The following DGKB variants were observed in gnomAD, a reference collection of about 807,000 sequenced individuals.
DGKB encodes 90 kDa diacylglycerol kinase.
DGKB carries 67 observed loss-of-function variants against 114.3 expected under a neutral mutation model. The ratio of observed to expected loss-of-function variants is 0.59; its 90% confidence interval spans 0.48 to 0.72. The LOEUF is 0.72. DGKB is among the 30% of genes least tolerant of loss of function. The pLI, the probability that DGKB is intolerant of heterozygous loss-of-function variation, is 0.00. For missense variants in DGKB, 907 were observed against 975.2 expected, an observed-to-expected ratio of 0.93 and a Z score of 0.93; for synonymous variants, 398 against 323.1, an observed-to-expected ratio of 1.23 and a Z score of -2.49.
chr7:14,466,824 T>G (rs1440941786), intron 21 of DGKB, among the ~76,000 whole-genome samples: 1 of 151,974 alleles, frequency 6.6e-6, no homozygotes, highest in Non-Finnish European at 1.5e-5. Flanking sequence ...TCAAAATAAA[T>G]AAATAGCAAC....
chr7:14,451,257 A>G (rs1212047325), intron 21 of DGKB, among the ~76,000 whole-genome samples: 1 of 152,054 alleles, frequency 6.6e-6, no homozygotes, highest in Non-Finnish European at 1.5e-5. Context: ...CCTTCACAAT[A>G]TGGGTAGGAC....
At chr7:14,958,426 AACACACACACACAC>A (rs754087921) in intron 1 of DGKB, among the ~76,000 whole-genome samples, 7,040 of 122,838 alleles carry the variant, frequency 0.057, 246 homozygotes, top group Non-Finnish European at 0.08. Context: ...TACCTCTCCC[AACACACACACACAC>A]ACACACACAC....
chr7:14,730,970 G>T (rs936202671), intron 5 of DGKB, among the ~76,000 whole-genome samples: 5 of 152,206 alleles, frequency 3.3e-5, no homozygotes, highest in African/African-American at 1.2e-4. Flanking sequence ...GAGATGGGAA[G>T]TCAGGGCCTG....
At position 14,579,349 on chromosome 7, in the gene DGKB, T is replaced by C. The variant is rs994955370; in HGVS notation, c.1609+1513A>G. On this transcript the variant is annotated intron_variant, in intron 19 of 25. Transcript: ENST00000402815. The stretch of plus-strand genomic sequence containing the variant: ...GCCTTTGTCCATTGTTAGTGCTTTG[T>C]ATGTGGTTTCACAAGAATTATTAGA... 4.6e-5 allele frequency among the ~76,000 whole-genome samples: 7 copies of C among 152,200 alleles called. No homozygotes were observed. In the South Asian group the frequency reaches 8.3e-4, roughly 18 times the overall value.
At chr7:14,824,773 A>G (rs1845429877) in intron 2 of DGKB, among the ~76,000 whole-genome samples, 1 of 151,760 alleles carries the variant, frequency 6.6e-6, no homozygotes, top group South Asian at 2.1e-4. Flanking sequence ...TTTCAAGATC[A>G]TAGTATATGA....
rs1341664325 is a variant in DGKB, at chr7:14,805,706, T to C, written c.70+35488A>G. ...TTTTAAAATATCTAGTTTATCAACA[T>C]AGTAAATGTTTATAATAAAATGATA... On this transcript the variant is annotated intron_variant, in intron 2 of 25. Coordinates refer to ENST00000402815, the MANE Select transcript of DGKB (RefSeq NM_001350709.2). Among the ~76,000 whole-genome samples, 8 of 151,882 alleles carry C rather than the reference T, an allele frequency of 5.3e-5. No homozygotes were observed. The East Asian group carries it at 1.2e-3, about 22-fold the overall frequency.
At chr7:14,150,451 G>A (rs1421458091) in intron 25 of DGKB, among the ~76,000 whole-genome samples, 2 of 152,080 alleles carry the variant, frequency 1.3e-5, no homozygotes, top group African/African-American at 2.4e-5. Flanking sequence ...GGGCTTTTGG[G>A]AAATGGAAAT....
intron 23 of DGKB, among the ~76,000 whole-genome samples, chr7:14,246,799 C>A (rs1794545259): frequency 6.6e-6 from 1 of 151,678 alleles, no homozygotes; most frequent in African/African-American, 2.4e-5. Flanking sequence ...ACATTGTTAC[C>A]TTTTGTGTGT....
chr7:14,596,547 C>CA (rs1179188874), intron 17 of DGKB, among the ~76,000 whole-genome samples: 1 of 152,056 alleles, frequency 6.6e-6, no homozygotes, highest in African/African-American at 2.4e-5. Flanking sequence ...CAACCATACA[C>CA]AAAAATATCC....
At chr7:14,763,311 C>G (rs148151559) in intron 2 of DGKB, among the ~76,000 whole-genome samples, 35 of 152,090 alleles carry the variant, frequency 2.3e-4, no homozygotes, top group Non-Finnish European at 4.6e-4. Context: ...CATAATAACT[C>G]TCTCAGAATC....
intron 23 of DGKB, among the ~76,000 whole-genome samples, chr7:14,260,210 T>C (rs1796568462): frequency 6.6e-6 from 1 of 152,096 alleles, no homozygotes; most frequent in Non-Finnish European, 1.5e-5. Flanking sequence ...ATCTAGTCTT[T>C]TAGGAGGTGC....
At chr7:14,284,980 G>A (rs1800630456) in intron 23 of DGKB, among the ~76,000 whole-genome samples, 1 of 151,230 alleles carries the variant, frequency 6.6e-6, no homozygotes, top group Admixed American at 6.6e-5. Flanking sequence ...CCTGCACAAT[G>A]TGCACATGTA....
intron 2 of DGKB, among the ~76,000 whole-genome samples, chr7:14,761,294 T>C (rs533484211): frequency 5.9e-5 from 9 of 152,278 alleles, no homozygotes; most frequent in Non-Finnish European, 1.2e-4. Context: ...GAGTTCAGGA[T>C]ATCCATAACC....
chr7:14,579,698 G>A (rs893079607), intron 19 of DGKB, among the ~76,000 whole-genome samples: 4 of 151,978 alleles, frequency 2.6e-5, no homozygotes, highest in Non-Finnish European at 5.9e-5. Flanking sequence ...ACTTAGTCAA[G>A]CACGTATACA....
intron 13 of DGKB, among the ~76,000 whole-genome samples, chr7:14,666,017 G>A (rs768935100): frequency 6.6e-6 from 1 of 151,944 alleles, no homozygotes; most frequent in South Asian, 2.1e-4. Flanking sequence ...TTTATGAATA[G>A]AATAGTGATA....
intron 18 of DGKB, among the ~76,000 whole-genome samples, chr7:14,582,706 CA>C (rs575163029): frequency 3.5e-4 from 54 of 152,190 alleles, no homozygotes; most frequent in South Asian, 3.1e-3. Context: ...GTAAGCACAT[CA>C]ATTTCGCACA....
At chr7:14,522,589 T>C (rs1256430422) in intron 20 of DGKB, among the ~76,000 whole-genome samples, 1 of 152,176 alleles carries the variant, frequency 6.6e-6, no homozygotes, top group Admixed American at 6.5e-5. Context: ...CTGGTTGAAC[T>C]ACCATATTGA....
At chr7:14,646,006 G>A (rs946735170) in intron 13 of DGKB, among the ~76,000 whole-genome samples, 1 of 152,022 alleles carries the variant, frequency 6.6e-6, no homozygotes, top group African/African-American at 2.4e-5. Flanking sequence ...AATACCAATG[G>A]GTAGTTAGTC....
chr7:14,718,785 T>G (rs1402944593), intron 5 of DGKB, 100 bp from the exon 6 acceptor site: 1 of 899,642 alleles, frequency 1.1e-6, no homozygotes, highest in Non-Finnish European at 1.7e-6. Context: ...ACATAGAAAT[T>G]TATATTTTTT....
Sources: gnomAD v4.1 joint callset for allele counts (sites outside exome capture counted in the v4.1 genomes callset) on GRCh38, gnomAD v4.1.1 for gene constraint, MANE v1.5 for transcripts, NCBI Gene and HGNC (gene_info 2026-07-23, HGNC 2026-07-21) for gene names.